The following MRPL22 variants were observed in gnomAD, a reference collection of about 807,000 sequenced individuals.
The protein encoded by MRPL22 is mitochondrial ribosomal protein L22.
Under a neutral mutation model 32.4 loss-of-function variants are expected in MRPL22, and 27 were observed. That is an observed-to-expected ratio of 0.83 (90% CI 0.61 to 1.15). The LOEUF (loss-of-function observed/expected upper bound fraction) is 1.15. Among genes scored for constraint, MRPL22 ranks in the 50% most tolerant of loss-of-function variants. The probability of loss-of-function intolerance (pLI) is 0.00; values close to 1 mark genes in which losing one functional copy is unlikely to be tolerated. For synonymous variants in MRPL22, 86 were observed against 87.3 expected, an observed-to-expected ratio of 0.99 and a Z score of 0.08; for missense variants, 239 against 260.2, an observed-to-expected ratio of 0.92 and a Z score of 0.56.
chr5:154,964,376 A>G (rs972770739), intron 6 of MRPL22, among the ~76,000 whole-genome samples: 1 of 152,188 alleles, frequency 6.6e-6, no homozygotes, highest in African/African-American at 2.4e-5. Flanking sequence ...AGGCTTCTAC[A>G]TATTGTTTCA....
At chr5:154,960,886 G>A (rs922014264) in intron 6 of MRPL22, among the ~76,000 whole-genome samples, 1 of 152,078 alleles carries the variant, frequency 6.6e-6, no homozygotes, top group African/African-American at 2.4e-5. Flanking sequence ...TTGAAGCAAA[G>A]TTTTCTCAAT....
At chr5:154,957,294 A>G (rs959121214) in intron 5 of MRPL22, 82 bp downstream of exon 5, 2 of 1,173,028 alleles carry the variant, frequency 1.7e-6, no homozygotes, top group African/African-American at 3.1e-5. Context: ...AGCTTAGCCT[A>G]AATCATGAAT....
intron 3 of MRPL22, among the ~76,000 whole-genome samples, chr5:154,954,338 AT>A (rs1764604203): frequency 6.6e-6 from 1 of 152,220 alleles, no homozygotes; most frequent in South Asian, 2.1e-4. Context: ...TATTATATGC[AT>A]TTAAAAATAA....
At chr5:154,964,220 C>A (rs1764739086) in intron 6 of MRPL22, among the ~76,000 whole-genome samples, 1 of 152,158 alleles carries the variant, frequency 6.6e-6, no homozygotes, top group South Asian at 2.1e-4. Flanking sequence ...ATCTTGGTCA[C>A]CACTATATCC....
chr5:154,951,803 G>A (rs1457682083), intron 3 of MRPL22, among the ~76,000 whole-genome samples: 1 of 151,436 alleles, frequency 6.6e-6, no homozygotes, highest in Non-Finnish European at 1.5e-5. Flanking sequence ...TTACACAATT[G>A]CACAAATATC....
intron 2 of MRPL22, among the ~76,000 whole-genome samples, chr5:154,948,345 A>G (rs1462267305): frequency 6.6e-6 from 1 of 152,258 alleles, no homozygotes; most frequent in Admixed American, 6.5e-5. Context: ...CATACTTTAT[A>G]ATAGTTCACA....
intron 2 of MRPL22, among the ~76,000 whole-genome samples, chr5:154,949,629 A>C (rs1415459724): frequency 2.0e-5 from 3 of 152,296 alleles, no homozygotes; most frequent in African/African-American, 7.2e-5. Flanking sequence ...GCAGGATGAA[A>C]ATCATTGGGA....
chr5:154,962,458 A>T (rs1052682831), intron 6 of MRPL22, among the ~76,000 whole-genome samples: 6 of 152,144 alleles, frequency 3.9e-5, no homozygotes, highest in Admixed American at 3.9e-4. Context: ...CATTCCATAG[A>T]CTTCTGTTAG....
At chr5:154,959,091 G>GGCATGATCACA (rs1167167655) in intron 5 of MRPL22, 3 of 152,290 alleles carry the variant, frequency 2.0e-5, no homozygotes, top group African/African-American at 7.2e-5. Flanking sequence ...GGAGTATAGT[G>GGCATGATCACA]GCATGATCAC....
chr5:154,941,383 A>G (rs1764413254), intron 2 of MRPL22, 118 bp downstream of exon 2: 1 of 1,242,228 alleles, frequency 8.1e-7, no homozygotes, highest in African/African-American at 1.5e-5. Context: ...ACTGAGGCGA[A>G]TGAGACAGCC....
chr5:154,954,021 A>T (rs1457383247), intron 3 of MRPL22, among the ~76,000 whole-genome samples: 1 of 129,768 alleles, frequency 7.7e-6, no homozygotes, highest in East Asian at 2.3e-4. Context: ...ACAGGGTCTC[A>T]CTCTGTTGCC....
At chr5:154,946,102 C>T (rs1167593534) in intron 2 of MRPL22, among the ~76,000 whole-genome samples, 8 of 151,986 alleles carry the variant, frequency 5.3e-5, no homozygotes, top group African/African-American at 1.9e-4. Flanking sequence ...ATTTAATTCA[C>T]CAAATATGTA....
Position 154,966,919 on chromosome 5 carries a change from G to GT in MRPL22, c.*23dup. Reference sequence around the variant, plus strand: ...ATGATGAGGAGATTCAGACTCCACAGTGTATATATTTTGCCATTTATTTTC... The same window carrying GT: ...ATGATGAGGAGATTCAGACTCCACAGTTGTATATATTTTGCCATTTATTTTC... On this transcript the variant is annotated 3_prime_UTR_variant, in exon 7 of 7. Coordinates refer to ENST00000523037, the MANE Select transcript of MRPL22 (RefSeq NM_014180.4). 1 of 1,569,446 alleles carries GT rather than the reference G, an allele frequency of 6.4e-7. No individual in the cohort carries two copies. Among genetic ancestry groups the GT allele is most frequent in the Non-Finnish European group, 8.6e-7 (1 of 1,156,610 alleles).
intron 3 of MRPL22, chr5:154,955,090 G>C (rs1210209237): frequency 2.0e-5 from 3 of 152,140 alleles, no homozygotes; most frequent in Non-Finnish European, 4.4e-5. Context: ...ACTGCTCCCG[G>C]CCAAGGGTCT....
chr5:154,943,317 C>T (rs571235044), intron 2 of MRPL22, among the ~76,000 whole-genome samples: 1 of 152,004 alleles, frequency 6.6e-6, no homozygotes, highest in South Asian at 2.1e-4. Context: ...TGCTGTGTTG[C>T]TCAGGCTGGT....
At chr5:154,957,584 G>A (rs1039387685) in intron 5 of MRPL22, among the ~76,000 whole-genome samples, 4 of 151,950 alleles carry the variant, frequency 2.6e-5, no homozygotes, top group Admixed American at 2.0e-4. Context: ...GAACTTCAAG[G>A]TATATTTTTT....
At chr5:154,964,755 A>G (rs1027237119) in intron 6 of MRPL22, among the ~76,000 whole-genome samples, 6 of 152,102 alleles carry the variant, frequency 3.9e-5, no homozygotes, top group South Asian at 2.1e-4. Flanking sequence ...TAGAAGGGAA[A>G]TGGGAGCCGA....
In MRPL22 at chr5:154,950,870, C is replaced by T. The variant is rs1258653015; in HGVS notation, c.127C>T (p.Arg43Ter). The T allele has an allele frequency of 4.3e-6, 7 of 1,613,682 alleles. No homozygotes were observed. Among genetic ancestry groups the T allele is most frequent in the African/African-American group, 4.0e-5 (3 of 74,926 alleles). Residue 43 changes from arginine to a stop codon, truncating the protein, a stop_gained, in exon 3 of 7, where the codon CGA (arginine) becomes TGA (stop). Coordinates refer to ENST00000523037, the MANE Select transcript of MRPL22 (RefSeq NM_014180.4). LOFTEE classifies it high-confidence loss of function. Reference protein sequence around the residue: ...IHTSASLDISRKWEKKNKIVY... With the variant: ...IHTSASLDIS ...CACAAGTGCTTCTCTTGACATTTCT[C>T]GAAAATGGGAGAAGAAGAATAAAAT... is the stretch of plus-strand genomic sequence containing the variant.
At chr5:154,955,446 T>G (rs1170644795) in intron 3 of MRPL22, 1 of 152,226 alleles carries the variant, frequency 6.6e-6, no homozygotes, top group Admixed American at 6.5e-5. Context: ...GAAAGTGGGT[T>G]TTAGAGTCAA....
Sources: gnomAD v4.1 joint callset for allele counts (sites outside exome capture counted in the v4.1 genomes callset) on GRCh38, gnomAD v4.1.1 for gene constraint, MANE v1.5 for transcripts, NCBI Gene and HGNC (gene_info 2026-07-23, HGNC 2026-07-21) for gene names.